The following PREX2 variants were observed in gnomAD, a reference collection of about 807,000 sequenced individuals.
The protein encoded by PREX2 is phosphatidylinositol-3,4,5-trisphosphate dependent Rac exchange factor 2.
A neutral mutation model predicts 203.2 loss-of-function variants in PREX2; 107 were observed. The ratio of observed to expected loss-of-function variants is 0.53; its 90% confidence interval spans 0.45 to 0.62. PREX2 has a LOEUF of 0.62. PREX2 is among the 20% of genes least tolerant of loss of function. The pLI is 0.00. For missense variants in PREX2, 1,777 were observed against 1,955.9 expected (o/e 0.91, Z 1.72); for synonymous variants, 672 against 663.6 (o/e 1.01, Z -0.19).
At chr8:68,097,393 C>G (rs531538200) in intron 22 of PREX2, among the ~76,000 whole-genome samples, 192 bp downstream of exon 22, 1 of 151,014 alleles carries the variant, frequency 6.6e-6, no homozygotes, top group East Asian at 1.9e-4. Context: ...GGCGTGATCT[C>G]GGCTCACTGC....
At chr8:68,071,161 T>C (rs1293343529) in intron 13 of PREX2, among the ~76,000 whole-genome samples, 2 of 152,170 alleles carry the variant, frequency 1.3e-5, no homozygotes, top group Non-Finnish European at 2.9e-5. Context: ...TGAGGTTTCT[T>C]ATCAAGAAAG....
intron 21 of PREX2, among the ~76,000 whole-genome samples, chr8:68,095,563 ATGTG>A (rs35447297): frequency 1.9e-4 from 27 of 145,650 alleles, no homozygotes; most frequent in Admixed American, 3.4e-4. Context: ...GTGTGTATCT[ATGTG>A]TGTGTGTGTG....
chr8:68,201,899 T>TA (rs1395877118), intron 37 of PREX2, among the ~76,000 whole-genome samples: 4 of 138,046 alleles, frequency 2.9e-5, no homozygotes, highest in African/African-American at 1.1e-4. Context: ...AGGTAACACC[T>TA]ATTTTTTTTT....
At chr8:68,014,126 C>T (rs1807344209) in intron 1 of PREX2, among the ~76,000 whole-genome samples, 1 of 152,166 alleles carries the variant, frequency 6.6e-6, no homozygotes. Context: ...CTAGCAACAG[C>T]ATAAATGGGC....
At chr8:67,997,318 C>T (rs1450266029) in intron 1 of PREX2, among the ~76,000 whole-genome samples, 3 of 152,114 alleles carry the variant, frequency 2.0e-5, no homozygotes, top group Non-Finnish European at 4.4e-5. Flanking sequence ...ATTTCTGAAA[C>T]TGCAGATAGT....
At chr8:68,134,604 C>T (rs1417459686) in intron 32 of PREX2, among the ~76,000 whole-genome samples, 2 of 152,158 alleles carry the variant, frequency 1.3e-5, no homozygotes, top group African/African-American at 4.8e-5. Context: ...GTTCCTTATT[C>T]CCAGTCGAAG....
At chr8:68,097,288 T>G in intron 22 of PREX2, 87 bp downstream of exon 22, 1 of 1,091,400 alleles carries the variant, frequency 9.2e-7, no homozygotes, top group African/African-American at 1.6e-5. Context: ...AAAATAAAAA[T>G]AGCTATACAT....
At chr8:68,017,974 G>T in intron 2 of PREX2, 57 bp downstream of exon 2, 1 of 1,390,280 alleles carries the variant, frequency 7.2e-7, no homozygotes, top group South Asian at 1.2e-5. Context: ...GATAAATTTT[G>T]CTGGTGCCAT....
chr8:68,230,467 CCAAT>C (rs1274066302), intron 39 of PREX2, among the ~76,000 whole-genome samples: 1 of 152,192 alleles, frequency 6.6e-6, no homozygotes, highest in Non-Finnish European at 1.5e-5. Flanking sequence ...TTTAGTTCAG[CCAAT>C]CAATCTCTCA....
intron 20 of PREX2, 74 bp from the exon 21 acceptor site, chr8:68,093,531 G>C (rs774877103): frequency 7.1e-5 from 44 of 622,084 alleles, no homozygotes; most frequent in Non-Finnish European, 1.0e-4. Context: ...AATAAATAAG[G>C]CCAAGTCTCC....
chr8:68,215,756 C>T (rs1187066577), intron 37 of PREX2, among the ~76,000 whole-genome samples: 2 of 152,166 alleles, frequency 1.3e-5, no homozygotes, highest in Admixed American at 1.3e-4. Context: ...CCAGGATGGT[C>T]TCAATCTTCT....
intron 1 of PREX2, among the ~76,000 whole-genome samples, chr8:67,969,947 G>A (rs946594650): frequency 2.4e-4 from 37 of 152,068 alleles, no homozygotes; most frequent in African/African-American, 8.7e-4. Flanking sequence ...GTCTCACTCC[G>A]GTCTGAAAAT....
chr8:68,115,547 TA>T (rs1307185462), intron 25 of PREX2, among the ~76,000 whole-genome samples: 3 of 150,868 alleles, frequency 2.0e-5, no homozygotes, highest in African/African-American at 7.5e-5. Flanking sequence ...CTTTCTGGTC[TA>T]AATTGTATGT....
At chr8:68,088,715 G>C (rs1165334797) in intron 19 of PREX2, among the ~76,000 whole-genome samples, 1 of 152,154 alleles carries the variant, frequency 6.6e-6, no homozygotes, top group Non-Finnish European at 1.5e-5. Context: ...TGGATAGACA[G>C]TTAAAATCTT....
intron 23 of PREX2, chr8:68,101,402 C>G (rs1194495114): frequency 5.8e-6 from 3 of 518,722 alleles, no homozygotes; most frequent in Non-Finnish European, 1.2e-5. Context: ...AAAAGTTACT[C>G]ACATGAAGAA....
At chr8:68,054,430 CTTTATCTTTATA>C in intron 9 of PREX2, among the ~76,000 whole-genome samples, 1 of 151,638 alleles carries the variant, frequency 6.6e-6, no homozygotes, top group Non-Finnish European at 1.5e-5. Context: ...TGCTTATGAT[CTTTATCTTTATA>C]TTTATCTTTA....
At chr8:68,116,599 G>A (rs536284110) in intron 26 of PREX2, among the ~76,000 whole-genome samples, 59 of 152,226 alleles carry the variant, frequency 3.9e-4, no homozygotes, top group African/African-American at 1.3e-3. Context: ...TCCTTGACGC[G>A]TAAACGGCCA....
intron 34 of PREX2, among the ~76,000 whole-genome samples, chr8:68,149,432 T>C (rs1811390027): frequency 6.6e-6 from 1 of 152,174 alleles, no homozygotes; most frequent in Non-Finnish European, 1.5e-5. Context: ...GGAAAGTAAG[T>C]GCAAAGCATA....
Position 67,981,655 on chromosome 8 carries a change from G to A in PREX2, c.141+29120G>A, listed in dbSNP as rs1368971898. Reference sequence around the variant, plus strand: ...GTGGTGCTACCTTGTTAGGGATACCGTGAGCTGTCAGAGTTTTACTTCAAT... The same window carrying A: ...GTGGTGCTACCTTGTTAGGGATACCATGAGCTGTCAGAGTTTTACTTCAAT... On this transcript the variant is annotated intron_variant, in intron 1 of 39. Transcript: ENST00000288368. Among the ~76,000 whole-genome samples, 4 of 152,224 alleles carry A rather than the reference G, an allele frequency of 2.6e-5. No individual in the cohort carries two copies. The South Asian group carries it at 6.2e-4, about 24-fold the overall frequency.
Sources: allele counts gnomAD v4.1 joint callset (sites outside exome capture counted in the v4.1 genomes callset), GRCh38; gene constraint gnomAD v4.1.1; transcripts MANE v1.5; gene names NCBI Gene and HGNC (gene_info 2026-07-23, HGNC 2026-07-21).